GABRG2: variants seen among roughly 807,000 people sequenced by gnomAD.
GABRG2 encodes the protein gamma-aminobutyric acid type A receptor subunit gamma2, also known as gamma-aminobutyric acid receptor subunit gamma-2.
GABRG2 carries 16 observed loss-of-function variants against 56.4 expected under a neutral mutation model. The observed-to-expected ratio is 0.28, with a 90% CI of 0.19 to 0.43. The LOEUF (loss-of-function observed/expected upper bound fraction) is 0.43. Among genes scored for constraint, GABRG2 ranks in the 20% least tolerant of loss-of-function variants. The pLI is 1.00. For synonymous variants in GABRG2, 208 were observed against 205.5 expected (o/e 1.01, Z -0.10); for missense variants, 327 against 582.7 (o/e 0.56, Z 4.52).
In GABRG2 at chr5:162,154,875, G is replaced by T. The variant is rs1008955042; in HGVS notation, c.*1507G>T. 1.3e-5 allele frequency: 2 copies of T among 151,900 alleles called. No individual in the cohort carries two copies. The highest frequency in any genetic ancestry group is 4.8e-5 in the African/African-American group (2 of 41,370). The allele number at this position is 151,900 out of a possible 1,614,324, so 9.4% of individuals were successfully genotyped here. A position where few individuals can be genotyped will look rare whatever the true frequency, so the allele number is the denominator to read the frequency against. ...ACATAGAGGTTGAGCCAATGACTGT[G>T]GCCTCATTAGATTACATTGTAGTTA... On this transcript the variant is annotated 3_prime_UTR_variant, in exon 10 of 10. Coordinates refer to ENST00000639213, the MANE Select transcript of GABRG2 (RefSeq NM_198904.4).
intron 6 of GABRG2, among the ~76,000 whole-genome samples, chr5:162,106,257 A>G (rs747990679): frequency 5.9e-5 from 9 of 152,210 alleles, no homozygotes; most frequent in Admixed American, 2.0e-4. Flanking sequence ...TTTCACACTG[A>G]GTACCATCAT....
intron 1 of GABRG2, among the ~76,000 whole-genome samples, chr5:162,073,453 T>C (rs369192839): frequency 6.6e-6 from 1 of 151,954 alleles, no homozygotes; most frequent in African/African-American, 2.4e-5. Flanking sequence ...GAGATCTTGC[T>C]TTTTATTGAG....
At chr5:162,126,752 C>T (rs924507998) in intron 6 of GABRG2, among the ~76,000 whole-genome samples, 1 of 151,888 alleles carries the variant, frequency 6.6e-6, no homozygotes, top group Non-Finnish European at 1.5e-5. Flanking sequence ...GCCACATGCC[C>T]GAGGGACTTT....
chr5:162,154,276 C>T lies in GABRG2; in HGVS notation c.*908C>T, dbSNP rs1413617489. The T allele has an allele frequency of 6.6e-6, 1 of 152,072 alleles. No homozygotes were observed. The highest frequency in any genetic ancestry group is 1.5e-5 in the Non-Finnish European group (1 of 68,012). 9.4% of individuals were successfully genotyped at this position (152,072 alleles called of 1,614,324 possible). A position where few individuals can be genotyped will look rare whatever the true frequency, so the allele number is the denominator to read the frequency against. Reference sequence around the variant, plus strand: ...TTTTCTTCCTTTTAGGATGATAGATCATAACAGAACTTATTCTCCATCTCA... The same window carrying T: ...TTTTCTTCCTTTTAGGATGATAGATTATAACAGAACTTATTCTCCATCTCA... On this transcript the variant is annotated 3_prime_UTR_variant, in exon 10 of 10. Transcript: ENST00000639213.
rs1060501891 is a variant in GABRG2 at position 162,068,070 on chromosome 5, C to G, written c.71C>G (p.Thr24Arg). The change falls in exon 1 of 10, where the codon ACG becomes AGG. Residue 24 changes from threonine to arginine, a missense_variant. Transcript: ENST00000639213. Reference protein sequence around the residue: ...YSTPVFSQKMTVWILLLLSLY... With the variant: ...YSTPVFSQKMRVWILLLLSLY... ...ACTCCTGTATTTTCACAGAAAATGA[C>G]GGTGTGGATTCTGCTCCTGCTGTCG... 6.2e-7 allele frequency: 1 copy of G among 1,612,168 alleles called. No individual in the cohort carries two copies. The highest frequency in any genetic ancestry group is 1.3e-5 in the African/African-American group (1 of 74,614).
At chr5:162,074,449 T>G (rs1282827149) in intron 1 of GABRG2, among the ~76,000 whole-genome samples, 1 of 152,012 alleles carries the variant, frequency 6.6e-6, no homozygotes, top group Non-Finnish European at 1.5e-5. Context: ...TGAACCCAAG[T>G]GTTGCTGTAA....
chr5:162,079,785 T>C (rs1450814264), intron 1 of GABRG2, among the ~76,000 whole-genome samples: 1 of 152,068 alleles, frequency 6.6e-6, no homozygotes, highest in East Asian at 1.9e-4. Flanking sequence ...TTTTATTTTA[T>C]TTACTTATTT....
Position 162,155,398 on chromosome 5 carries a change from T to C in GABRG2, c.*2030T>C, listed in dbSNP as rs1753801175. ...CAATGTGTGCATAGTATTGGCAATA[T>C]GAATATATATTATATATAATCTAAT... On this transcript the variant is annotated 3_prime_UTR_variant, in exon 10 of 10. Coordinates refer to ENST00000639213, the MANE Select transcript of GABRG2 (RefSeq NM_198904.4). 1.3e-5 allele frequency: 2 copies of C among 152,474 alleles called. No individual in the cohort carries two copies. Among genetic ancestry groups the C allele is most frequent in the Admixed American group, 6.6e-5 (1 of 15,222 alleles). 9.4% of individuals were successfully genotyped at this position (152,474 alleles called of 1,614,324 possible).
chr5:162,077,865 CT>C lies in GABRG2; in HGVS notation c.107+9763del, dbSNP rs1412249808. Among the ~76,000 whole-genome samples the C allele has an allele frequency of 2.0e-5, 3 of 151,928 alleles. No homozygotes were observed. In the East Asian group the frequency reaches 5.8e-4, roughly 29 times the overall value. ...TTAAAAGGAAGTTCCCGTTTCTTGTCTTTTGAGCTCTACATGGGGTTGGAGA... is the reference window on the plus strand; with the variant it reads ...TTAAAAGGAAGTTCCCGTTTCTTGTCTTTGAGCTCTACATGGGGTTGGAGA... On this transcript the variant is annotated intron_variant, in intron 1 of 9. Transcript: ENST00000639213.
chr5:162,101,145 C>A, intron 4 of GABRG2, 90 bp from the exon 5 acceptor site: 1 of 892,912 alleles, frequency 1.1e-6, no homozygotes, highest in Non-Finnish European at 1.8e-6. Flanking sequence ...GTGAGATATT[C>A]TCTAGAAAAA....
At chr5:162,069,720 T>G (rs1388628861) in intron 1 of GABRG2, among the ~76,000 whole-genome samples, 1 of 152,216 alleles carries the variant, frequency 6.6e-6, no homozygotes, top group Non-Finnish European at 1.5e-5. Flanking sequence ...GAGAGGGCCT[T>G]TTACTGGAAA....
At chr5:162,109,420 A>ATATTTATT (rs1554098575) in intron 6 of GABRG2, among the ~76,000 whole-genome samples, 174 of 116,122 alleles carry the variant, frequency 1.5e-3, no homozygotes, top group Middle Eastern at 9.7e-3. Context: ...ATATATATAT[A>ATATTTATT]TATTTATTTA....
At chr5:162,096,750 T>C (rs1761027987) in intron 3 of GABRG2, among the ~76,000 whole-genome samples, 1 of 152,056 alleles carries the variant, frequency 6.6e-6, no homozygotes, top group South Asian at 2.1e-4. Flanking sequence ...CTGCTTTTTT[T>C]TTTTTACTGA....
At chr5:162,151,576 A>C in intron 8 of GABRG2, 154 bp from the exon 9 acceptor site, 1 of 638,684 alleles carries the variant, frequency 1.6e-6, no homozygotes, top group Non-Finnish European at 2.7e-6. Flanking sequence ...CAAGCTCAGA[A>C]CTCTCCTTCT....
At chr5:162,091,716 C>T (rs940092829) in intron 1 of GABRG2, among the ~76,000 whole-genome samples, 2 of 152,056 alleles carry the variant, frequency 1.3e-5, no homozygotes, top group Non-Finnish European at 2.9e-5. Context: ...AAAAAAGTAT[C>T]CCTTATCTTT....
intron 7 of GABRG2, 131 bp downstream of exon 7, chr5:162,142,447 T>A: frequency 1.0e-6 from 1 of 990,772 alleles, no homozygotes; most frequent in Non-Finnish European, 1.6e-6. Context: ...TTGTTTCATA[T>A]TCAAGAGAAC....
At chr5:162,095,720 A>G (rs1172936959) in intron 3 of GABRG2, among the ~76,000 whole-genome samples, 158 bp downstream of exon 3, 6 of 152,124 alleles carry the variant, frequency 3.9e-5, no homozygotes, top group Admixed American at 3.9e-4. Flanking sequence ...TTGTAATATG[A>G]AGATAATTAA....
chr5:162,084,468 A>T (rs1176469285), intron 1 of GABRG2, among the ~76,000 whole-genome samples: 1 of 151,900 alleles, frequency 6.6e-6, no homozygotes, highest in Non-Finnish European at 1.5e-5. Context: ...TGGTTCTATC[A>T]TACTCTCTTG....
intron 7 of GABRG2, chr5:162,142,952 C>G (rs1764695409): frequency 6.6e-6 from 1 of 151,238 alleles, no homozygotes; most frequent in Non-Finnish European, 1.5e-5. Context: ...CCTTAGTTAC[C>G]TTGATAGGTT....
Sources: allele counts gnomAD v4.1 joint callset (sites outside exome capture counted in the v4.1 genomes callset), GRCh38; gene constraint gnomAD v4.1.1; transcripts MANE v1.5; gene names NCBI Gene and HGNC (gene_info 2026-07-23, HGNC 2026-07-21).